BRINP3: variants seen among roughly 807,000 people sequenced by gnomAD.
BRINP3 encodes BMP/retinoic acid-inducible neural-specific protein 3.
In BRINP3, 19 loss-of-function variants were observed where a neutral mutation model predicts 71.0. That is an observed-to-expected ratio of 0.27 (90% CI 0.19 to 0.39). The LOEUF is 0.39. BRINP3 is among the 10% of genes least tolerant of loss of function. BRINP3 has a pLI of 1.00. For missense variants in BRINP3, 959 were observed against 940.8 expected, an observed-to-expected ratio of 1.02 and a Z score of -0.25; for synonymous variants, 380 against 337.7, an observed-to-expected ratio of 1.13 and a Z score of -1.37.
At chr1:190,434,303 T>A (rs1266695223) in intron 2 of BRINP3, among the ~76,000 whole-genome samples, 1 of 151,780 alleles carries the variant, frequency 6.6e-6, no homozygotes, top group Non-Finnish European at 1.5e-5. Context: ...AGGCACAAGG[T>A]TTCACCATCT....
intron 1 of BRINP3, among the ~76,000 whole-genome samples, chr1:190,459,642 T>C (rs1412534864): frequency 6.6e-6 from 1 of 152,082 alleles, no homozygotes; most frequent in Non-Finnish European, 1.5e-5. Flanking sequence ...TATTACTATT[T>C]GTTAAACAAT....
Position 190,298,040 on chromosome 1 carries a change from G to A in BRINP3, c.237-16290C>T, listed in dbSNP as rs185806743. ...AAGGTTTTCAATAATTATAGGGCTAGTCAATGATATAATCTGTGGTCGTTT... is the reference window on the plus strand; with the variant it reads ...AAGGTTTTCAATAATTATAGGGCTAATCAATGATATAATCTGTGGTCGTTT... On this transcript the variant is annotated intron_variant, in intron 2 of 7. Transcript: ENST00000367462. Among the ~76,000 whole-genome samples, 5 of 152,216 alleles carry A rather than the reference G, an allele frequency of 3.3e-5. No individual in the cohort carries two copies. The East Asian group carries it at 9.6e-4, about 29-fold the overall frequency.
chr1:190,157,090 CA>C (rs2102444852), intron 7 of BRINP3, among the ~76,000 whole-genome samples: 1 of 151,686 alleles, frequency 6.6e-6, no homozygotes, highest in East Asian at 1.9e-4. Context: ...CTCAGTATCC[CA>C]AGAGGATTGG....
intron 2 of BRINP3, among the ~76,000 whole-genome samples, chr1:190,386,746 A>T (rs1001808394): frequency 3.3e-5 from 5 of 151,970 alleles, no homozygotes; most frequent in African/African-American, 4.8e-5. Flanking sequence ...CTGTAAAATA[A>T]AAATGTGAAT....
intron 1 of BRINP3, among the ~76,000 whole-genome samples, chr1:190,460,337 ATAAT>A (rs1676302061): frequency 6.6e-6 from 1 of 151,208 alleles, no homozygotes; most frequent in Admixed American, 6.6e-5. Flanking sequence ...TATAACTATA[ATAAT>A]TATTTTTTGA....
chr1:190,290,519 T>A (rs1485594445), intron 2 of BRINP3, among the ~76,000 whole-genome samples: 1 of 152,166 alleles, frequency 6.6e-6, no homozygotes, highest in Non-Finnish European at 1.5e-5. Flanking sequence ...TAAAATGTAA[T>A]TTTTCACTGA....
At chr1:190,300,832 CAG>C (rs1209169994) in intron 2 of BRINP3, among the ~76,000 whole-genome samples, 1 of 152,050 alleles carries the variant, frequency 6.6e-6, no homozygotes, top group African/African-American at 2.4e-5. Context: ...GGGGAAAAAA[CAG>C]AGCAGAAAAA....
chr1:190,302,111 A>G (rs1237146464), intron 2 of BRINP3, among the ~76,000 whole-genome samples: 1 of 151,318 alleles, frequency 6.6e-6, no homozygotes, highest in Non-Finnish European at 1.5e-5. Context: ...AATATCTCCC[A>G]CCAGGTAGCA....
At chr1:190,193,999 G>A (rs536987166) in intron 6 of BRINP3, among the ~76,000 whole-genome samples, 8 of 152,090 alleles carry the variant, frequency 5.3e-5, no homozygotes, top group African/African-American at 1.9e-4. Flanking sequence ...AATGACTTGA[G>A]GTAAATCTCT....
intron 2 of BRINP3, among the ~76,000 whole-genome samples, chr1:190,297,656 T>C (rs1664349700): frequency 6.6e-6 from 1 of 152,094 alleles, no homozygotes; most frequent in Non-Finnish European, 1.5e-5. Flanking sequence ...TTTTTCTTCT[T>C]TACACCGTTC....
At chr1:190,214,453 A>G (rs1656235199) in intron 6 of BRINP3, among the ~76,000 whole-genome samples, 1 of 151,984 alleles carries the variant, frequency 6.6e-6, no homozygotes, top group Non-Finnish European at 1.5e-5. Flanking sequence ...AGTAAACTGA[A>G]TATCTTGTGA....
intron 2 of BRINP3, among the ~76,000 whole-genome samples, chr1:190,393,548 AT>A (rs1288906767): frequency 3.3e-5 from 5 of 151,730 alleles, no homozygotes; most frequent in Non-Finnish European, 4.4e-5. Flanking sequence ...AAATCAGCAG[AT>A]TTTTTATATG....
At chr1:190,398,915 C>T (rs886315411) in intron 2 of BRINP3, among the ~76,000 whole-genome samples, 3 of 151,946 alleles carry the variant, frequency 2.0e-5, no homozygotes, top group Non-Finnish European at 4.4e-5. Context: ...TTTGATCCAT[C>T]TCTTCCCAGT....
At chr1:190,315,976 A>T (rs1665853672) in intron 2 of BRINP3, among the ~76,000 whole-genome samples, 1 of 152,034 alleles carries the variant, frequency 6.6e-6, no homozygotes, top group Admixed American at 6.6e-5. Flanking sequence ...AACATGAGAA[A>T]CATTTCCAAG....
chr1:190,212,150 G>C (rs1006140573), intron 6 of BRINP3, among the ~76,000 whole-genome samples: 7 of 152,008 alleles, frequency 4.6e-5, no homozygotes, highest in African/African-American at 1.2e-4. Flanking sequence ...CTTTAAAAGA[G>C]CTATGTTATA....
At chr1:190,277,108 TA>T (rs1294976132) in intron 3 of BRINP3, among the ~76,000 whole-genome samples, 3 of 121,916 alleles carry the variant, frequency 2.5e-5, no homozygotes, top group South Asian at 2.8e-4. Flanking sequence ...TATATATATA[TA>T]TATATATATT....
intron 7 of BRINP3, among the ~76,000 whole-genome samples, chr1:190,111,206 A>AAAAC (rs1311949838): frequency 0.013 from 1,883 of 142,114 alleles, 181 homozygotes; most frequent in African/African-American, 0.055. Context: ...AAAAAAAAAA[A>AAAAC]AACTTTAGAA....
chr1:190,154,749 A>G (rs1014514186), intron 7 of BRINP3, among the ~76,000 whole-genome samples: 2 of 152,184 alleles, frequency 1.3e-5, no homozygotes, highest in African/African-American at 4.8e-5. Context: ...TGCTGCAGAT[A>G]GCACTATAAT....
chr1:190,169,611 A>G (rs1349489522), intron 6 of BRINP3, among the ~76,000 whole-genome samples: 1 of 152,170 alleles, frequency 6.6e-6, no homozygotes, highest in African/African-American at 2.4e-5. Flanking sequence ...TTGTAGTTCA[A>G]CAAGATTTTA....
Sources: gnomAD v4.1 joint callset for allele counts (sites outside exome capture counted in the v4.1 genomes callset) on GRCh38, gnomAD v4.1.1 for gene constraint, MANE v1.5 for transcripts, NCBI Gene and HGNC (gene_info 2026-07-23, HGNC 2026-07-21) for gene names.